Variants in NACC2 observed in about 807,000 individuals in gnomAD.
NACC2 encodes the protein NACC family member 2.
A neutral mutation model predicts 25.1 loss-of-function variants in NACC2; 8 were observed. The observed-to-expected ratio is 0.32, with a 90% CI of 0.19 to 0.57. NACC2 has a LOEUF of 0.57. Ranked by LOEUF, NACC2 falls within the 20% of genes least tolerant of loss-of-function variation. The probability of loss-of-function intolerance (pLI) is 0.89; values close to 1 mark genes in which losing one functional copy is unlikely to be tolerated. For missense variants in NACC2, 644 were observed against 650.2 expected (o/e 0.99, Z 0.10); for synonymous variants, 435 against 294.7 (o/e 1.48, Z -4.88).
At chr9:136,079,058 CT>C (rs10540260) in intron 1 of NACC2, among the ~76,000 whole-genome samples, 80,616 of 148,424 alleles carry the variant, frequency 0.54, 22,702 homozygotes, top group South Asian at 0.66. Context: ...ATAGCTTCTT[CT>C]TTTTTTTTTT....
At chr9:136,087,817 C>T (rs1031975497) in intron 1 of NACC2, among the ~76,000 whole-genome samples, 18 of 152,224 alleles carry the variant, frequency 1.2e-4, no homozygotes, top group African/African-American at 4.3e-4. Context: ...AGATCCCCAA[C>T]GAGGCCCCAA....
chr9:136,069,040 A>G (rs2131176892), intron 1 of NACC2, among the ~76,000 whole-genome samples: 1 of 151,304 alleles, frequency 6.6e-6, no homozygotes, highest in African/African-American at 2.4e-5. Context: ...CCAAGTAGCC[A>G]GGATTAAAGG....
intron 2 of NACC2, among the ~76,000 whole-genome samples, chr9:136,024,408 GT>G (rs1164788875): frequency 6.9e-6 from 1 of 144,904 alleles, no homozygotes; most frequent in Non-Finnish European, 1.5e-5. Context: ...TGAGGACAGA[GT>G]GTGTGTGTGT....
intron 1 of NACC2, among the ~76,000 whole-genome samples, chr9:136,077,432 A>G (rs960198209): frequency 1.3e-5 from 2 of 152,252 alleles, no homozygotes; most frequent in African/African-American, 4.8e-5. Flanking sequence ...GACATTGTTG[A>G]TAAGTCGTGC....
Position 136,011,592 on chromosome 9 carries a change from C to A in NACC2, c.1688G>T (p.Gly563Val). 1 of 1,429,804 alleles carries A rather than the reference C, an allele frequency of 7.0e-7. No homozygotes were observed. The highest frequency in any genetic ancestry group is 1.5e-5 in the South Asian group (1 of 66,376). The allele number at this position is 1,429,804 out of a possible 1,614,324, so 88.6% of individuals were successfully genotyped here. ...CGTCTGGGGCCTGCTGGGGCCGCCC[C>A]CGCCCTGCTCAAAGGGCTGTGGGGG... ...QSPPQPFEQG[G>V]GGPSRPQTPA... The change falls in exon 6 of 6, where the codon GGG becomes GTG. Residue 563 changes from glycine to valine, a missense_variant. Physicochemically the swap from Gly to Val is moderately radical, Grantham distance 109. Transcript: ENST00000277554.
chr9:136,027,012 C>A (rs1171627447), intron 2 of NACC2, among the ~76,000 whole-genome samples: 1 of 152,088 alleles, frequency 6.6e-6, no homozygotes, highest in Non-Finnish European at 1.5e-5. Context: ...GGGGATCACC[C>A]AAGGTCAGGA....
In NACC2 at chr9:136,013,071, A is replaced by G; in HGVS notation, c.1255+128T>C. 1 of 706,396 alleles carries G rather than the reference A, an allele frequency of 1.4e-6. No individual in the cohort carries two copies. The highest frequency in any genetic ancestry group is 1.9e-5 in the South Asian group (1 of 52,456). The allele number at this position is 706,396 out of a possible 1,614,324, so 43.8% of individuals were successfully genotyped here. On this transcript the variant is annotated intron_variant, in intron 5 of 5. Transcript: ENST00000277554. The surrounding 1 kb of genome is among the most constrained non-coding windows in gnomAD (Gnocchi z 6.6). ...TCCTCATCTTCCCCTCAATCAGACC[A>G]TGCTCGGCCCCCAGGGACGGAAGCT...
Position 136,084,245 on chromosome 9 carries a change from C to A in NACC2, c.-60+10944G>T, listed in dbSNP as rs981944866. 3.3e-5 allele frequency among the ~76,000 whole-genome samples: 5 copies of A among 152,074 alleles called. No individual in the cohort carries two copies. Among genetic ancestry groups the A allele is most frequent in the African/African-American group, 1.2e-4 (5 of 41,394 alleles). On this transcript the variant is annotated intron_variant, in intron 1 of 5. Transcript: ENST00000277554. The surrounding 1 kb of genome is among the most constrained non-coding windows in gnomAD (Gnocchi z 5.1). The stretch of plus-strand genomic sequence containing the variant: ...GCTCCCAGGTCAAAGACCTCCACAC[C>A]CAGACCTGGTCCTGGGTAGCCAACC...
rs750449108 is a variant in NACC2, at chr9:136,011,855, G to C, written c.1425C>G (p.Ala475=). 2 of 1,560,542 alleles carry C rather than the reference G, an allele frequency of 1.3e-6. No homozygotes were observed. The highest frequency in any genetic ancestry group is 2.3e-5 in the South Asian group (2 of 86,042). ...GGAACTCGGGGTCGAGGGGCACGCT[G>C]GCGGCGGCGGAGCCCATGACCGTGC... ...MYRTVMGSAA[A]SVPLDPEFPP... is the part of the protein sequence containing the mutation. The change falls in exon 6 of 6, where the codon GCC becomes GCG. Residue 475 remains alanine (A), a synonymous_variant. Coordinates refer to ENST00000277554, the MANE Select transcript of NACC2 (RefSeq NM_144653.5).
rs2275108 is a variant in NACC2, at chr9:136,015,933, C to G, written c.1051+332G>C. Among the ~76,000 whole-genome samples, 32 of 152,360 alleles carry G rather than the reference C, an allele frequency of 2.1e-4. No homozygotes were observed. In the East Asian group the frequency reaches 6.2e-3, roughly 29 times the overall value. On this transcript the variant is annotated intron_variant, in intron 3 of 5. Coordinates refer to ENST00000277554, the MANE Select transcript of NACC2 (RefSeq NM_144653.5). Reference sequence around the variant, plus strand: ...TGCCACTTGGAACCTGGCCGTTACCCTCAAAGGCTGCAACTGGACCCTCGC... The same window carrying G: ...TGCCACTTGGAACCTGGCCGTTACCGTCAAAGGCTGCAACTGGACCCTCGC...
intron 1 of NACC2, among the ~76,000 whole-genome samples, chr9:136,092,718 G>A (rs1480903710): frequency 6.6e-6 from 1 of 152,230 alleles, no homozygotes; most frequent in Non-Finnish European, 1.5e-5. Flanking sequence ...GGGCCCCATA[G>A]TCAAGTTCCC....
At chr9:136,071,049 G>A (rs929040346) in intron 1 of NACC2, among the ~76,000 whole-genome samples, 1 of 151,406 alleles carries the variant, frequency 6.6e-6, no homozygotes, top group African/African-American at 2.5e-5. Flanking sequence ...GGCCAACACA[G>A]TGAAACCCAT....
chr9:136,049,751 G>C lies in NACC2; in HGVS notation c.771C>G (p.Thr257=), dbSNP rs1291599569. ...CGTTGTGGTACGAGGTGGGGCTGTC[G>C]GTGGTGGGCAGGCTGCTGGCGCCTG... The part of the protein sequence containing the change: ...TSPGASSLPT[T]DSPTSYHNEE... The change falls in exon 2 of 6, where the codon ACC becomes ACG. Residue 257 remains threonine, a synonymous_variant. Coordinates refer to ENST00000277554, the MANE Select transcript of NACC2 (RefSeq NM_144653.5). 5.1e-6 allele frequency: 4 copies of C among 778,076 alleles called. No homozygotes were observed. The East Asian group carries it at 9.7e-5, about 19-fold the overall frequency. 48.2% of individuals were successfully genotyped at this position (778,076 alleles called of 1,614,324 possible).
intron 1 of NACC2, among the ~76,000 whole-genome samples, chr9:136,075,607 G>A (rs1830254501): frequency 6.6e-6 from 1 of 152,220 alleles, no homozygotes; most frequent in South Asian, 2.1e-4. Flanking sequence ...AGGGTTCGGG[G>A]TCGCAGGTCC....
Position 136,013,348 on chromosome 9 carries a change from C to T in NACC2, c.1158-52G>A. ...AGGGTGAGGATGATGGGGAGGGTAC[C>T]TGGAGGCGACCCGCCCGCACGAATG... On this transcript the variant is annotated intron_variant, in intron 4 of 5. Transcript: ENST00000277554. This position sits in a 1 kb window ranked among gnomAD's most constrained non-coding sequence, Gnocchi z 6.6. The T allele has an allele frequency of 1.3e-6, 2 of 1,544,938 alleles. No individual in the cohort carries two copies. Among genetic ancestry groups the T allele is most frequent in the Non-Finnish European group, 1.8e-6 (2 of 1,124,708 alleles).
At chr9:136,046,655 C>T (rs565892091) in intron 2 of NACC2, among the ~76,000 whole-genome samples, 2,897 of 152,308 alleles carry the variant, frequency 0.019, 92 homozygotes, top group African/African-American at 0.066. Context: ...GGCGCCTTCT[C>T]GCAGCTTTGC....
chr9:136,074,426 C>G, intron 1 of NACC2, among the ~76,000 whole-genome samples: 1 of 137,382 alleles, frequency 7.3e-6, no homozygotes, highest in Non-Finnish European at 1.6e-5. Context: ...GCACTCCAGC[C>G]CGGGCGACAG....
In NACC2 at chr9:136,018,102, C is replaced by T. The variant is rs1441840437; in HGVS notation, c.887-1673G>A. 6.6e-6 allele frequency among the ~76,000 whole-genome samples: 1 copy of T among 152,146 alleles called. No individual in the cohort carries two copies. The highest frequency in any genetic ancestry group is 1.5e-5 in the Non-Finnish European group (1 of 68,006). The stretch of plus-strand genomic sequence containing the variant: ...GTGGAACCTGCACGTCCAGCAGGCT[C>T]GGGGCAGGCAGCTCCATGCAGAGCC... On this transcript the variant is annotated intron_variant, in intron 2 of 5. Coordinates refer to ENST00000277554, the MANE Select transcript of NACC2 (RefSeq NM_144653.5). The surrounding 1 kb of genome is among the most constrained non-coding windows in gnomAD (Gnocchi z 4.4).
intron 1 of NACC2, among the ~76,000 whole-genome samples, chr9:136,073,760 G>A (rs1830226449): frequency 6.6e-6 from 1 of 152,182 alleles, no homozygotes; most frequent in African/African-American, 2.4e-5. Flanking sequence ...GTTTCAATGG[G>A]TCTATTCCTA....
Sources: allele counts gnomAD v4.1 joint callset (sites outside exome capture counted in the v4.1 genomes callset), GRCh38; gene constraint gnomAD v4.1.1; non-coding constraint Gnocchi (gnomAD v3.1); transcripts MANE v1.5; gene names NCBI Gene and HGNC (gene_info 2026-07-23, HGNC 2026-07-21).